The following INPP5F variants were observed in gnomAD, a reference collection of about 807,000 sequenced individuals.
INPP5F encodes phosphatidylinositide 4-phosphatase SAC2.
A neutral mutation model predicts 137.2 loss-of-function variants in INPP5F; 97 were observed. That is an observed-to-expected ratio of 0.71 (90% confidence interval 0.60 to 0.84). The LOEUF (loss-of-function observed/expected upper bound fraction) is 0.84, where lower values mean the gene tolerates loss of function less well. Among genes scored for constraint, INPP5F ranks in the 40% least tolerant of loss-of-function variants. The pLI is 0.00. For missense variants in INPP5F, 1,271 were observed against 1,371.9 expected (o/e 0.93, Z 1.16); for synonymous variants, 504 against 476.9 (o/e 1.06, Z -0.74).
intron 2 of INPP5F, among the ~76,000 whole-genome samples, chr10:119,766,763 CAAAT>C (rs1849176682): frequency 6.6e-6 from 1 of 150,828 alleles, no homozygotes; most frequent in Admixed American, 6.6e-5. Flanking sequence ...CATTTTGAGA[CAAAT>C]AAAAACAGAG....
At chr10:119,817,303 G>A (rs1279808868) in intron 15 of INPP5F, among the ~76,000 whole-genome samples, 5 of 152,190 alleles carry the variant, frequency 3.3e-5, no homozygotes, top group Non-Finnish European at 7.3e-5. Context: ...TTTGTGTACA[G>A]GTTTTCATTT....
rs1246088973 is a variant in INPP5F at position 119,787,943 on chromosome 10, A to G, written c.316-3574A>G. 6.6e-6 allele frequency among the ~76,000 whole-genome samples: 1 copy of G among 152,150 alleles called. No individual in the cohort carries two copies. The highest frequency in any genetic ancestry group is 1.5e-5 in the Non-Finnish European group (1 of 68,028). ...CACTGAGTTGGATAATCCTGCATAGAACATCTCCTGTGTGCCATGCCAGTA... is the reference window on the plus strand; with the variant it reads ...CACTGAGTTGGATAATCCTGCATAGGACATCTCCTGTGTGCCATGCCAGTA... On this transcript the variant is annotated intron_variant, in intron 3 of 19. Coordinates refer to ENST00000650623, the MANE Select transcript of INPP5F (RefSeq NM_014937.4). This position sits in a 1 kb window ranked among gnomAD's most constrained non-coding sequence, Gnocchi z 4.1.
At chr10:119,763,617 C>G (rs759850621) in intron 2 of INPP5F, among the ~76,000 whole-genome samples, 1 of 152,212 alleles carries the variant, frequency 6.6e-6, no homozygotes, top group Non-Finnish European at 1.5e-5. Context: ...GTCCATGGTT[C>G]ACACCCATAT....
intron 6 of INPP5F, among the ~76,000 whole-genome samples, chr10:119,795,769 G>A (rs1416685739): frequency 6.6e-6 from 1 of 152,182 alleles, no homozygotes; most frequent in Non-Finnish European, 1.5e-5. Context: ...TCATGCCACT[G>A]CACTCCAGCC....
rs1303197469 is a variant in INPP5F, at chr10:119,787,643, A to AGGAGGAAG, written c.316-3864_316-3857dup. 1.3e-5 allele frequency among the ~76,000 whole-genome samples: 2 copies of AGGAGGAAG among 150,848 alleles called. No homozygotes were observed. Among genetic ancestry groups the AGGAGGAAG allele is most frequent in the South Asian group, 2.1e-4 (1 of 4,736 alleles). ...GAAAGGGAAGGGGGAGGGGAAGGGG[A>AGGAGGAAG]GGAGGAAGGGAGGAAGGCAGGCAGG... On this transcript the variant is annotated intron_variant, in intron 3 of 19. Coordinates refer to ENST00000650623, the MANE Select transcript of INPP5F (RefSeq NM_014937.4). The surrounding 1 kb of genome is among the most constrained non-coding windows in gnomAD (Gnocchi z 4.1).
intron 1 of INPP5F, among the ~76,000 whole-genome samples, chr10:119,749,791 T>C (rs1848639241): frequency 6.6e-6 from 1 of 152,252 alleles, no homozygotes; most frequent in South Asian, 2.1e-4. Context: ...GCTTTAATTC[T>C]TGCAATAAAA....
At chr10:119,736,967 G>A (rs1848232201) in intron 1 of INPP5F, among the ~76,000 whole-genome samples, 1 of 152,128 alleles carries the variant, frequency 6.6e-6, no homozygotes, top group African/African-American at 2.4e-5. Context: ...AGGATTACAT[G>A]TGGGCACCAC....
chr10:119,751,333 A>G (rs1454221298), intron 2 of INPP5F, among the ~76,000 whole-genome samples, 177 bp downstream of exon 2: 2 of 152,216 alleles, frequency 1.3e-5, no homozygotes, highest in Non-Finnish European at 2.9e-5. Flanking sequence ...TGGAGCTTAC[A>G]GTTTAGGAGG....
chr10:119,743,298 T>G (rs1359918647), intron 1 of INPP5F, among the ~76,000 whole-genome samples: 1 of 152,138 alleles, frequency 6.6e-6, no homozygotes, highest in Non-Finnish European at 1.5e-5. Flanking sequence ...CCTATCCATT[T>G]GGGAGCCTTC....
intron 2 of INPP5F, among the ~76,000 whole-genome samples, chr10:119,778,108 GCAATTCT>G: frequency 6.6e-6 from 1 of 152,172 alleles, no homozygotes; most frequent in African/African-American, 2.4e-5. Context: ...CCAAGTTCAA[GCAATTCT>G]CATGCCTCAG....
At chr10:119,733,373 T>G (rs1387862078) in intron 1 of INPP5F, among the ~76,000 whole-genome samples, 4 of 152,320 alleles carry the variant, frequency 2.6e-5, no homozygotes, top group African/African-American at 9.6e-5. Flanking sequence ...TTTCTCTTCT[T>G]AAGTGTTTGG....
At chr10:119,740,201 C>G (rs1848333982) in intron 1 of INPP5F, among the ~76,000 whole-genome samples, 1 of 152,180 alleles carries the variant, frequency 6.6e-6, no homozygotes, top group Non-Finnish European at 1.5e-5. Flanking sequence ...CTTTCCCAAG[C>G]ATGTTTTTAC....
chr10:119,781,699 T>G lies in INPP5F; in HGVS notation c.243T>G (p.His81Gln). 3 of 1,612,470 alleles carry G rather than the reference T, an allele frequency of 1.9e-6. No homozygotes were observed. Among genetic ancestry groups the G allele is most frequent in the Non-Finnish European group, 2.5e-6 (3 of 1,178,636 alleles). ...TGGTGGGCAAACTCCCAGGAGACCATGAGGTCTGTAAAGTTACCAAAATTG... is the reference window on the plus strand; with the variant it reads ...TGGTGGGCAAACTCCCAGGAGACCAGGAGGTCTGTAAAGTTACCAAAATTG... ...KALVGKLPGD[H>Q]EVCKVTKIAV... Residue 81 changes from histidine (H) to glutamine (Q), a missense_variant, in exon 3 of 20, where the codon CAT (histidine) becomes CAG (glutamine). By Grantham distance (24) the His-to-Gln change is conservative. Coordinates refer to ENST00000650623, the MANE Select transcript of INPP5F (RefSeq NM_014937.4).
At position 119,827,400 on chromosome 10, in the gene INPP5F, A is replaced by G. The variant is rs1851810169; in HGVS notation, c.3019A>G (p.Thr1007Ala). 4.3e-6 allele frequency: 7 copies of G among 1,614,150 alleles called. No homozygotes were observed. In the East Asian group the frequency reaches 1.6e-4, roughly 36 times the overall value. ...NETQSESTEQ[T>A]PSRPSQLDVS... The stretch of plus-strand genomic sequence containing the variant: ...AACCCAATCAGAATCAACAGAACAG[A>G]CACCTTCTCGGCCATCGCAATTAGA... The change falls in exon 20 of 20, where the codon ACA (threonine) becomes GCA (alanine). Residue 1007 changes from threonine to alanine, a missense_variant. Physicochemically the swap from Thr to Ala is moderately conservative, Grantham distance 58. Transcript: ENST00000650623.
intron 2 of INPP5F, among the ~76,000 whole-genome samples, chr10:119,772,456 G>T (rs1589698637): frequency 6.6e-6 from 1 of 152,124 alleles, no homozygotes; most frequent in East Asian, 1.9e-4. Context: ...AGCATGCCAT[G>T]TGTTGCAAAT....
intron 6 of INPP5F, among the ~76,000 whole-genome samples, chr10:119,795,565 C>T (rs1850343864): frequency 6.6e-6 from 1 of 151,382 alleles, no homozygotes; most frequent in Non-Finnish European, 1.5e-5. Flanking sequence ...GGGATGGCGG[C>T]CGGGCAGAGA....
chr10:119,827,515 G>A lies in INPP5F; in HGVS notation c.3134G>A (p.Ser1045Asn). The change falls in exon 20 of 20, where the codon AGC (serine) becomes AAC (asparagine). Residue 1045 changes from serine (S) to asparagine (N), a missense_variant. Coordinates refer to ENST00000650623, the MANE Select transcript of INPP5F (RefSeq NM_014937.4). The part of the protein sequence containing the change: ...ASQKTPTSAS[S>N]MLELETGLHV... ...CAAAAAACCCCCACCTCCGCTTCCA[G>A]CATGCTTGAACTTGAGACAGGGCTT... 1 of 1,614,158 alleles carries A rather than the reference G, an allele frequency of 6.2e-7. No individual in the cohort carries two copies. The highest frequency in any genetic ancestry group is 8.5e-7 in the Non-Finnish European group (1 of 1,180,018).
At chr10:119,800,176 A>C (rs1035359131) in intron 9 of INPP5F, among the ~76,000 whole-genome samples, 2 of 152,070 alleles carry the variant, frequency 1.3e-5, no homozygotes, top group Non-Finnish European at 2.9e-5. Context: ...AAGACACAAG[A>C]GAATGGAAAG....
chr10:119,743,102 A>C (rs1476579982), intron 1 of INPP5F, among the ~76,000 whole-genome samples: 1 of 152,232 alleles, frequency 6.6e-6, no homozygotes, highest in Non-Finnish European at 1.5e-5. Context: ...GCCAGCTTTA[A>C]TGTCTTTGTC....
Sources: gnomAD v4.1 joint callset for allele counts (sites outside exome capture counted in the v4.1 genomes callset) on GRCh38, gnomAD v4.1.1 for gene constraint, Gnocchi (gnomAD v3.1) non-coding constraint, MANE v1.5 for transcripts, NCBI Gene and HGNC (gene_info 2026-07-23, HGNC 2026-07-21) for gene names.